Variants in GRAMD1B observed in about 807,000 individuals in gnomAD.
GRAMD1B encodes the protein protein Aster-B.
GRAMD1B carries 37 observed loss-of-function variants against 99.7 expected under a neutral mutation model. That is an observed-to-expected ratio of 0.37 (90% CI 0.29 to 0.49). GRAMD1B has a LOEUF of 0.49. GRAMD1B is among the 20% of genes least tolerant of loss of function. The pLI is 0.98. For missense variants in GRAMD1B, 888 were observed against 1,009.2 expected (o/e 0.88, Z 1.63); for synonymous variants, 427 against 387.6 (o/e 1.10, Z -1.19).
chr11:123,559,998 C>T (rs1048670561), intron 2 of GRAMD1B, among the ~76,000 whole-genome samples: 2 of 151,702 alleles, frequency 1.3e-5, no homozygotes, highest in Non-Finnish European at 2.9e-5. Flanking sequence ...TTGGTGGCAG[C>T]GAAGGGAGCA....
At chr11:123,373,433 T>C (rs1038036985) in intron 1 of GRAMD1B, among the ~76,000 whole-genome samples, 1 of 152,196 alleles carries the variant, frequency 6.6e-6, no homozygotes, top group Non-Finnish European at 1.5e-5. Context: ...ATTAGAACTC[T>C]GGCGTTCCCT....
rs149202511 is a variant in GRAMD1B at position 123,614,758 on chromosome 11, G to A, written c.2241G>A (p.Thr747=). ...RIKHVAGSTQ[T]RHIPEDTPNG... ...TTCTCCCCACAGGTTCCACACAGACGCGGCATATCCCGGAGGACACCCCCA... is the reference window on the plus strand; with the variant it reads ...TTCTCCCCACAGGTTCCACACAGACACGGCATATCCCGGAGGACACCCCCA... The change falls in exon 17 of 20, where the codon ACG becomes ACA. Residue 747 remains threonine, a synonymous_variant. Transcript: ENST00000635736. 8.1e-6 allele frequency: 13 copies of A among 1,609,752 alleles called. No individual in the cohort carries two copies. The Admixed American group carries it at 1.0e-4, about 12-fold the overall frequency.
rs370508125 is a variant in GRAMD1B at position 123,606,704 on chromosome 11, G to T, written c.1419G>T (p.Glu473Asp). ...AIDNIMGEKI[E>D]MIAPVNSPSL... ...ACAACATCATGGGGGAGAAGATTGA[G>T]ATGATCGCTCCTGTGAACTCCCCTT... Residue 473 changes from glutamate (E) to aspartate (D), a missense_variant, in exon 11 of 20, where the codon GAG (glutamate) becomes GAT (aspartate). Around this residue, in one of 5 missense-constraint regions of GRAMD1B, gnomAD observed 269 missense variants for 296.6 expected, o/e 0.91. Coordinates refer to ENST00000635736, the MANE Select transcript of GRAMD1B (RefSeq NM_001387025.1). 1.9e-6 allele frequency: 3 copies of T among 1,613,498 alleles called. No individual in the cohort carries two copies. Among genetic ancestry groups the T allele is most frequent in the Non-Finnish European group, 2.5e-6 (3 of 1,179,724 alleles).
intron 3 of GRAMD1B, among the ~76,000 whole-genome samples, chr11:123,578,646 C>A (rs117207290): frequency 6.6e-6 from 1 of 152,166 alleles, no homozygotes; most frequent in Non-Finnish European, 1.5e-5. Context: ...AACAGACCCT[C>A]CCCCACTCCC....
chr11:123,596,967 T>C (rs1323069013), intron 7 of GRAMD1B, among the ~76,000 whole-genome samples: 2 of 152,040 alleles, frequency 1.3e-5, no homozygotes, highest in Non-Finnish European at 2.9e-5. Flanking sequence ...TTGGAGAACA[T>C]GTGAATATTA....
chr11:123,581,619 G>A (rs1314550659), intron 3 of GRAMD1B, among the ~76,000 whole-genome samples: 1 of 152,196 alleles, frequency 6.6e-6, no homozygotes, highest in Non-Finnish European at 1.5e-5. Flanking sequence ...AGTGGCAGCA[G>A]GTAAGAAGCT....
chr11:123,438,185 CACA>C (rs1179531518), intron 1 of GRAMD1B, among the ~76,000 whole-genome samples: 1 of 152,168 alleles, frequency 6.6e-6, no homozygotes, highest in Non-Finnish European at 1.5e-5. Context: ...ATTAAATCCT[CACA>C]ACAATGCCTC....
At chr11:123,364,261 C>T (rs146462972) in intron 1 of GRAMD1B, among the ~76,000 whole-genome samples, 1 of 152,340 alleles carries the variant, frequency 6.6e-6, no homozygotes, top group Admixed American at 6.5e-5. Context: ...GCGCTTCTTC[C>T]TACCAGCTAG....
Position 123,517,327 on chromosome 11 carries a change from T to A in GRAMD1B, c.452+36434T>A, listed in dbSNP as rs139690760. 1.1e-4 allele frequency among the ~76,000 whole-genome samples: 16 copies of A among 152,312 alleles called. No individual in the cohort carries two copies. In the East Asian group the frequency reaches 2.9e-3, roughly 28 times the overall value. ...AAAATAGGGAAAATTGGAAAATTTG[T>A]TGACATAAAGGAGAAAAAGTAGATT... On this transcript the variant is annotated intron_variant, in intron 2 of 19. Transcript: ENST00000635736.
chr11:123,465,652 C>T (rs1361305383), intron 1 of GRAMD1B, among the ~76,000 whole-genome samples: 1 of 151,750 alleles, frequency 6.6e-6, no homozygotes, highest in Non-Finnish European at 1.5e-5. Context: ...ACCTGTAATC[C>T]CAGCTACTAG....
intron 2 of GRAMD1B, among the ~76,000 whole-genome samples, chr11:123,554,525 CAAAAAAAAAAA>C (rs750680684): frequency 8.1e-5 from 7 of 86,538 alleles, no homozygotes; most frequent in Non-Finnish European, 1.3e-4. Context: ...CCCATCTTTA[CAAAAAAAAAAA>C]AAAAAAAAAG....
intron 2 of GRAMD1B, among the ~76,000 whole-genome samples, chr11:123,524,908 T>G (rs1942553318): frequency 6.6e-6 from 1 of 152,184 alleles, no homozygotes; most frequent in Non-Finnish European, 1.5e-5. Flanking sequence ...AAAGGGATCA[T>G]ATAGCCAGGG....
intron 1 of GRAMD1B, among the ~76,000 whole-genome samples, chr11:123,455,944 C>T (rs1353471771): frequency 1.3e-5 from 2 of 151,968 alleles, no homozygotes; most frequent in African/African-American, 2.4e-5. Flanking sequence ...CCAAGGTGGG[C>T]GGATCATTTG....
chr11:123,413,279 C>G (rs1476813318), intron 1 of GRAMD1B, among the ~76,000 whole-genome samples: 1 of 152,196 alleles, frequency 6.6e-6, no homozygotes, highest in Admixed American at 6.5e-5. Context: ...TGCCTTCCCT[C>G]TTATCATTCC....
chr11:123,465,666 G>A (rs1950623462), intron 1 of GRAMD1B, among the ~76,000 whole-genome samples: 1 of 151,896 alleles, frequency 6.6e-6, no homozygotes, highest in Non-Finnish European at 1.5e-5. Context: ...CTACTAGGGA[G>A]ACTGAGGCAG....
At chr11:123,467,603 C>T (rs1284593788) in intron 1 of GRAMD1B, among the ~76,000 whole-genome samples, 1 of 151,992 alleles carries the variant, frequency 6.6e-6, no homozygotes, top group Non-Finnish European at 1.5e-5. Flanking sequence ...GGTTTTGTTA[C>T]AGTGGCTTCT....
chr11:123,378,599 C>T (rs1222800593), intron 1 of GRAMD1B, among the ~76,000 whole-genome samples: 1 of 152,138 alleles, frequency 6.6e-6, no homozygotes, highest in Admixed American at 6.5e-5. Context: ...TATTGAGTGC[C>T]TCCCCAAGGA....
At chr11:123,488,287 G>A (rs1938111836) in intron 2 of GRAMD1B, among the ~76,000 whole-genome samples, 1 of 152,130 alleles carries the variant, frequency 6.6e-6, no homozygotes, top group South Asian at 2.1e-4. Context: ...ATAGCACCAG[G>A]TAGCTCCCAA....
chr11:123,476,930 G>T (rs979675982), intron 1 of GRAMD1B, among the ~76,000 whole-genome samples: 1 of 152,116 alleles, frequency 6.6e-6, no homozygotes, highest in East Asian at 1.9e-4. Flanking sequence ...ACATAGTATT[G>T]AGAGTTATCA....
Sources: gnomAD v4.1 joint callset for allele counts (sites outside exome capture counted in the v4.1 genomes callset) on GRCh38, gnomAD v4.1.1 for gene constraint, gnomAD v4.1.1 regional missense constraint, MANE v1.5 for transcripts, NCBI Gene and HGNC (gene_info 2026-07-23, HGNC 2026-07-21) for gene names.